Variants in ITGA7 observed in about 807,000 individuals in gnomAD.
The protein encoded by ITGA7 is integrin subunit alpha 7.
In ITGA7, 84 loss-of-function variants were observed where a neutral mutation model predicts 131.6. The observed-to-expected ratio is 0.64, with a 90% CI of 0.54 to 0.77. The LOEUF is 0.77. ITGA7 is among the 30% of genes least tolerant of loss of function. ITGA7 has a pLI of 0.00. For synonymous variants in ITGA7, 548 were observed against 600.7 expected, an observed-to-expected ratio of 0.91 and a Z score of 1.28; for missense variants, 1,399 against 1,482.9, an observed-to-expected ratio of 0.94 and a Z score of 0.93.
At chr12:55,700,539 G>A (rs954386433) in intron 4 of ITGA7, 1 of 956,926 alleles carries the variant, frequency 1.0e-6, no homozygotes, top group African/African-American at 1.6e-5. Context: ...GCTTCCTGGG[G>A]TCCCCCAGAT....
At chr12:55,708,659 T>C (rs1875722359), upstream of ITGA7, among the ~76,000 whole-genome samples, 1 of 151,882 alleles carries the variant, frequency 6.6e-6, no homozygotes, top group Non-Finnish European at 1.5e-5. Context: ...GAAGAGGAAA[T>C]TAAGCAGTGG....
At chr12:55,698,095 C>G in intron 7 of ITGA7, 69 bp from the exon 8 acceptor site, 2 of 1,362,794 alleles carry the variant, frequency 1.5e-6, no homozygotes, top group Non-Finnish European at 2.1e-6. Context: ...GGCCTCAACT[C>G]CCCCCAGTCA....
Position 55,692,775 on chromosome 12 carries a change from C to T in ITGA7, c.2844+69G>A, listed in dbSNP as rs541988214. 7 of 1,540,158 alleles carry T rather than the reference C, an allele frequency of 4.5e-6. No individual in the cohort carries two copies. In the East Asian group the frequency reaches 1.7e-4, roughly 38 times the overall value. On this transcript the variant is annotated intron_variant, in intron 21 of 24. Coordinates refer to ENST00000257879, the MANE Select transcript of ITGA7 (RefSeq NM_002206.3). ...CTTGCACCCAGACCATCATGTGTCT[C>T]AACAGGTACCCTTCCTGGACACGCA...
rs766435056 is a variant in ITGA7, at chr12:55,688,270, T to G, written c.2989A>C (p.Ile997Leu). ...EYSAVKSLEV[I>L]VRANITVKSS... ...TTCACTGTGATGTTGGCCCGGACAA[T>G]CACTTCCAGGGACTTCACAGCTGAG... Residue 997 changes from isoleucine (I) to leucine (L), a missense_variant, in exon 23 of 25, where the codon ATT becomes CTT. Transcript: ENST00000257879. 2.0e-5 allele frequency: 32 copies of G among 1,613,866 alleles called. 1 individual carries two copies. In the South Asian group the frequency reaches 3.4e-4, roughly 17 times the overall value.
At chr12:55,707,935 C>A, upstream of ITGA7, 1 of 1,370,336 alleles carries the variant, frequency 7.3e-7, no homozygotes, top group Non-Finnish European at 9.4e-7. Flanking sequence ...CCGGGGACGC[C>A]ACTCAGGCCC....
At chr12:55,711,909 T>C (rs1053013134), upstream of ITGA7, among the ~76,000 whole-genome samples, 1 of 152,198 alleles carries the variant, frequency 6.6e-6, no homozygotes, top group Non-Finnish European at 1.5e-5. Context: ...GCAACTGTTG[T>C]CTCTAGCTTA....
intron 21 of ITGA7, among the ~76,000 whole-genome samples, chr12:55,690,746 G>T (rs1378380352): frequency 6.7e-6 from 1 of 149,386 alleles, no homozygotes; most frequent in Non-Finnish European, 1.5e-5. Flanking sequence ...TGATAGACTG[G>T]ATTAAGAAAA....
Position 55,694,872 on chromosome 12 carries a change from G to A in ITGA7, c.2102C>T (p.Pro701Leu). ...VTNLPSDPAQ[P>L]QADGDDAHEA... ...ATGGGCATCATCCCCATCAGCCTGGGGCTGGGCTGGGTCCGATGGCAGGTT... is the reference window on the plus strand; with the variant it reads ...ATGGGCATCATCCCCATCAGCCTGGAGCTGGGCTGGGTCCGATGGCAGGTT... Residue 701 changes from proline (P) to leucine (L), a missense_variant, in exon 15 of 25, where the codon CCC becomes CTC. By Grantham distance (98) the Pro-to-Leu change is moderately conservative (BLOSUM62 -3). Coordinates refer to ENST00000257879, the MANE Select transcript of ITGA7 (RefSeq NM_002206.3). The surrounding 1 kb of genome is among the most constrained non-coding windows in gnomAD (Gnocchi z 5.3). 6.2e-7 allele frequency: 1 copy of A among 1,614,126 alleles called. No homozygotes were observed. The highest frequency in any genetic ancestry group is 1.1e-5 in the South Asian group (1 of 91,080).
intron 14 of ITGA7, 81 bp downstream of exon 14, chr12:55,695,441 G>T: frequency 1.0e-6 from 1 of 997,732 alleles, no homozygotes; most frequent in South Asian, 1.3e-5. Context: ...CCTTCCCTCT[G>T]ACTGGTCCTC....
chr12:55,686,260 G>C (rs755374068), intron 24 of ITGA7: 1 of 1,348,316 alleles, frequency 7.4e-7, no homozygotes, highest in South Asian at 1.1e-5. Flanking sequence ...AGACAGGCCC[G>C]GTGATAGTTG....
At chr12:55,687,731 C>A (rs1445371772) in intron 24 of ITGA7, among the ~76,000 whole-genome samples, 1 of 152,156 alleles carries the variant, frequency 6.6e-6, no homozygotes, top group African/African-American at 2.4e-5. Flanking sequence ...CTCAAGTGAT[C>A]CACCTGCCTA....
upstream of ITGA7, chr12:55,712,120 G>C: frequency 6.4e-7 from 1 of 1,551,520 alleles, no homozygotes; most frequent in East Asian, 2.4e-5. Context: ...GTCAAAGCTT[G>C]AACCATGGGA....
At chr12:55,700,779 G>T in intron 4 of ITGA7, 120 bp downstream of exon 4, 1 of 1,309,006 alleles carries the variant, frequency 7.6e-7, no homozygotes, top group Non-Finnish European at 1.1e-6. Flanking sequence ...GCATGGCAGT[G>T]CCCTGGGGCC....
intron 3 of ITGA7, 21 bp downstream of exon 3, chr12:55,702,851 G>A: frequency 6.2e-7 from 1 of 1,602,134 alleles, no homozygotes; most frequent in Non-Finnish European, 8.5e-7. Flanking sequence ...CGTGCATTCA[G>A]TCATGAGAAG....
chr12:55,700,943 C>T lies in ITGA7; in HGVS notation c.626G>A (p.Ser209Asn), dbSNP rs777850714. The change falls in exon 4 of 25, where the codon AGC becomes AAC. Residue 209 changes from serine to asparagine, a missense_variant. Coordinates refer to ENST00000257879, the MANE Select transcript of ITGA7 (RefSeq NM_002206.3). Reference protein sequence around the residue: ...QGTAAAFSPDSHYLLFGAPGT... With the variant: ...QGTAAAFSPDNHYLLFGAPGT... ...TGGGGCCCCAAAGAGGAGGTAGTGG[C>T]TATCAGGGGAGAAGGCGGCAGCTGT... is the stretch of plus-strand genomic sequence containing the variant. 6.2e-7 allele frequency: 1 copy of T among 1,614,232 alleles called. No individual in the cohort carries two copies. The highest frequency in any genetic ancestry group is 1.1e-5 in the South Asian group (1 of 91,088).
rs1316317349 is a variant in ITGA7, at chr12:55,702,501, GAC to G, written c.414+369_414+370del. Among the ~76,000 whole-genome samples the G allele has an allele frequency of 6.6e-5, 10 of 152,206 alleles. No homozygotes were observed. In the East Asian group the frequency reaches 1.5e-3, roughly 24 times the overall value. Reference sequence around the variant, plus strand: ...CTAATTTTTTTGTATTTTTAGGAGAGACAGGGTTTCGCCATGTTGGTCCGGCT... The same window carrying G: ...CTAATTTTTTTGTATTTTTAGGAGAGAGGGTTTCGCCATGTTGGTCCGGCT... On this transcript the variant is annotated intron_variant, in intron 3 of 24. Transcript: ENST00000257879.
At chr12:55,703,803 C>A (rs1028608591) in intron 1 of ITGA7, among the ~76,000 whole-genome samples, 3 of 152,154 alleles carry the variant, frequency 2.0e-5, no homozygotes, top group African/African-American at 7.2e-5. Context: ...GAGGTAGGGA[C>A]AAGTTTCTCC....
upstream of ITGA7, chr12:55,712,426 A>G (rs537002841): frequency 2.7e-5 from 17 of 640,322 alleles, no homozygotes; most frequent in South Asian, 3.0e-4. Flanking sequence ...CTCAGCCCTC[A>G]TCCAACCCCT....
chr12:55,706,560 C>T (rs911051586), intron 1 of ITGA7, among the ~76,000 whole-genome samples: 2 of 152,158 alleles, frequency 1.3e-5, no homozygotes, highest in African/African-American at 2.4e-5. Flanking sequence ...CTTTCTTCAC[C>T]TCTGGCCTCC....
Sources: allele counts gnomAD v4.1 joint callset (sites outside exome capture counted in the v4.1 genomes callset), GRCh38; gene constraint gnomAD v4.1.1; non-coding constraint Gnocchi (gnomAD v3.1); transcripts MANE v1.5; gene names NCBI Gene and HGNC (gene_info 2026-07-23, HGNC 2026-07-21).